KCNIP4: variants seen among roughly 807,000 people sequenced by gnomAD.
KCNIP4 encodes Kv channel-interacting protein 4.
KCNIP4 carries 12 observed loss-of-function variants against 34.0 expected under a neutral mutation model. The observed-to-expected ratio is 0.35, with a 90% CI of 0.23 to 0.57. The LOEUF is 0.57. Ranked by LOEUF, KCNIP4 falls within the 20% of genes least tolerant of loss-of-function variation. The pLI, the probability that KCNIP4 is intolerant of heterozygous loss-of-function variation, is 0.83. For missense variants in KCNIP4, 238 were observed against 311.7 expected (o/e 0.76, Z 1.78); for synonymous variants, 124 against 102.2 (o/e 1.21, Z -1.29).
intron 1 of KCNIP4, among the ~76,000 whole-genome samples, chr4:21,383,321 T>C (rs914070744): frequency 2.0e-5 from 3 of 152,060 alleles, no homozygotes; most frequent in African/African-American, 4.8e-5. Flanking sequence ...CTTTTTTTTT[T>C]TCTAACAGTT....
At chr4:21,825,586 T>C (rs1722632311) in intron 1 of KCNIP4, among the ~76,000 whole-genome samples, 1 of 152,162 alleles carries the variant, frequency 6.6e-6, no homozygotes, top group African/African-American at 2.4e-5. Context: ...ACATGAAGTA[T>C]GTGAAGATGC....
At chr4:21,457,599 A>G (rs1401338796) in intron 1 of KCNIP4, among the ~76,000 whole-genome samples, 1 of 152,020 alleles carries the variant, frequency 6.6e-6, no homozygotes, top group Non-Finnish European at 1.5e-5. Flanking sequence ...GCAATGCAAT[A>G]TGAGTTCATT....
intron 1 of KCNIP4, among the ~76,000 whole-genome samples, chr4:21,359,046 G>A (rs558002021): frequency 6.6e-6 from 1 of 152,204 alleles, no homozygotes; most frequent in South Asian, 2.1e-4. Flanking sequence ...TCATGGCTGT[G>A]TGTCCTTAAT....
intron 1 of KCNIP4, among the ~76,000 whole-genome samples, chr4:21,004,506 A>T (rs1172025289): frequency 3.9e-5 from 6 of 152,190 alleles, no homozygotes; most frequent in African/African-American, 1.4e-4. Flanking sequence ...GTGATGGTCC[A>T]TACCATTGCA....
intron 1 of KCNIP4, among the ~76,000 whole-genome samples, chr4:21,836,512 T>C (rs2007970): frequency 0.38 from 57,784 of 151,634 alleles, 12,507 homozygotes; most frequent in Non-Finnish European, 0.51. Flanking sequence ...TACTTCAATG[T>C]ACATTTTCCA....
chr4:21,538,745 T>C (rs1041025777), intron 1 of KCNIP4, among the ~76,000 whole-genome samples: 1 of 152,202 alleles, frequency 6.6e-6, no homozygotes, highest in African/African-American at 2.4e-5. Flanking sequence ...ATCTGAGCTA[T>C]GTGAAATCTC....
chr4:21,082,893 A>G (rs1019965718), intron 1 of KCNIP4, among the ~76,000 whole-genome samples: 1 of 151,572 alleles, frequency 6.6e-6, no homozygotes, highest in African/African-American at 2.4e-5. Context: ...CTATCTATCT[A>G]TCTATCTATC....
intron 1 of KCNIP4, among the ~76,000 whole-genome samples, chr4:21,874,492 G>A (rs1578098416): frequency 6.6e-6 from 1 of 152,278 alleles, no homozygotes; most frequent in Non-Finnish European, 1.5e-5. Context: ...CCCACAGAGG[G>A]AGAGAGAATG....
At chr4:21,137,233 T>C (rs375467821) in intron 1 of KCNIP4, among the ~76,000 whole-genome samples, 1 of 152,240 alleles carries the variant, frequency 6.6e-6, no homozygotes, top group East Asian at 1.9e-4. Context: ...CTGGAAGAGC[T>C]CCCTCTATCA....
chr4:21,153,361 A>G (rs2109252791), intron 1 of KCNIP4, among the ~76,000 whole-genome samples: 1 of 151,782 alleles, frequency 6.6e-6, no homozygotes, highest in South Asian at 2.1e-4. Context: ...TGTTATTTTA[A>G]TTTGCATTTC....
At chr4:21,872,613 T>C (rs952766095) in intron 1 of KCNIP4, among the ~76,000 whole-genome samples, 1 of 152,182 alleles carries the variant, frequency 6.6e-6, no homozygotes, top group African/African-American at 2.4e-5. Flanking sequence ...AAAGACCTCC[T>C]GATAAAAGTT....
intron 1 of KCNIP4, among the ~76,000 whole-genome samples, chr4:21,213,393 C>G (rs951128934): frequency 9.9e-5 from 15 of 152,160 alleles, no homozygotes; most frequent in Middle Eastern, 6.8e-3. Context: ...CCTCTGCCTG[C>G]CAGGTTCAAG....
At chr4:21,945,777 C>T (rs777142857) in intron 1 of KCNIP4, among the ~76,000 whole-genome samples, 4 of 151,400 alleles carry the variant, frequency 2.6e-5, no homozygotes, top group Non-Finnish European at 4.4e-5. Flanking sequence ...AGCAGGATTA[C>T]GTTCTGATTT....
intron 1 of KCNIP4, among the ~76,000 whole-genome samples, chr4:21,614,260 C>T (rs116651940): frequency 1.5e-3 from 230 of 151,930 alleles, no homozygotes; most frequent in African/African-American, 5.4e-3. Context: ...GCAGACAACA[C>T]GCTCTTGACA....
At chr4:20,794,253 C>T (rs1043327704) in intron 3 of KCNIP4, among the ~76,000 whole-genome samples, 19 of 152,142 alleles carry the variant, frequency 1.2e-4, no homozygotes, top group African/African-American at 4.6e-4. Flanking sequence ...GTTCATGCTC[C>T]TATGAGAATC....
chr4:21,507,334 G>C (rs1046683180), intron 1 of KCNIP4, among the ~76,000 whole-genome samples: 2 of 150,776 alleles, frequency 1.3e-5, no homozygotes, highest in Non-Finnish European at 3.0e-5. Context: ...GCTCGATCTT[G>C]GCTCACTGCA....
chr4:21,639,249 G>C (rs896833117), intron 1 of KCNIP4, among the ~76,000 whole-genome samples: 1 of 152,052 alleles, frequency 6.6e-6, no homozygotes, highest in South Asian at 2.1e-4. Flanking sequence ...CAATCTATTA[G>C]ACTTAATCAC....
At chr4:21,723,134 T>C (rs1387373439) in intron 1 of KCNIP4, among the ~76,000 whole-genome samples, 1 of 152,140 alleles carries the variant, frequency 6.6e-6, no homozygotes, top group Non-Finnish European at 1.5e-5. Context: ...ATCCTATTCA[T>C]TTTCTCCAAG....
intron 1 of KCNIP4, among the ~76,000 whole-genome samples, chr4:21,111,181 C>G (rs1749133079): frequency 6.6e-6 from 1 of 152,056 alleles, no homozygotes; most frequent in Admixed American, 6.6e-5. Flanking sequence ...TTCATTATCC[C>G]TGGATGTTTC....
Sources: allele counts gnomAD v4.1 joint callset (sites outside exome capture counted in the v4.1 genomes callset), GRCh38; gene constraint gnomAD v4.1.1; transcripts MANE v1.5; gene names NCBI Gene and HGNC (gene_info 2026-07-23, HGNC 2026-07-21).